ANKRD50: variants seen among roughly 807,000 people sequenced by gnomAD.
The protein encoded by ANKRD50 is ankyrin repeat domain 50.
In ANKRD50, 40 loss-of-function variants were observed where a neutral mutation model predicts 112.0. That is an observed-to-expected ratio of 0.36 (90% CI 0.28 to 0.46). The LOEUF is 0.46. ANKRD50 is among the 20% of genes least tolerant of loss of function. The pLI is 1.00. For synonymous variants in ANKRD50, 613 were observed against 619.1 expected (o/e 0.99, Z 0.15); for missense variants, 1,487 against 1,701.7 (o/e 0.87, Z 2.22).
intron 2 of ANKRD50, among the ~76,000 whole-genome samples, chr4:124,696,606 G>A (rs1725258022): frequency 6.6e-6 from 1 of 151,784 alleles, no homozygotes; most frequent in African/African-American, 2.4e-5. Flanking sequence ...CCCTTAAAAG[G>A]AGCCAGAGAA....
Position 124,669,903 on chromosome 4 carries a change from G to A in ANKRD50, c.3374C>T (p.Ser1125Phe). 6.2e-7 allele frequency: 1 copy of A among 1,613,564 alleles called. No individual in the cohort carries two copies. The highest frequency in any genetic ancestry group is 2.2e-5 in the East Asian group (1 of 44,858). ...AATTGTTAATGACTGCACTTTTGAA[G>A]ACAATGACTGTAGAGGTTTTTGCTC... Reference protein sequence around the residue: ...TMEQKPLQSLSSKVQSLTIKS... With the variant: ...TMEQKPLQSLFSKVQSLTIKS... The change falls in exon 4 of 5, where the codon TCT becomes TTT. Residue 1125 changes from serine to phenylalanine, a missense_variant. Around this residue, in one of 2 missense-constraint regions of ANKRD50, gnomAD observed 441 missense variants for 432.2 expected, o/e 1.02. Transcript: ENST00000504087.
rs377077898 is a variant in ANKRD50, at chr4:124,671,095, C to T, written c.2182G>A (p.Ala728Thr). ...TCAATTAAAAGGCTAACAACTGATGCGTGCCCTTTACTTGCAGGCACACAA... is the reference window on the plus strand; with the variant it reads ...TCAATTAAAAGGCTAACAACTGATGTGTGCCCTTTACTTGCAGGCACACAA... ...ALCVPASKGH[A>T]SVVSLLIDRG... The change falls in exon 4 of 5, where the codon GCA becomes ACA. Residue 728 changes from alanine (A) to threonine (T), a missense_variant. Ala to Thr is a moderately conservative substitution (Grantham distance 58, BLOSUM62 0). Around this residue, in one of 2 missense-constraint regions of ANKRD50, gnomAD observed 1,046 missense variants for 1,269.5 expected, o/e 0.82. Coordinates refer to ENST00000504087, the MANE Select transcript of ANKRD50 (RefSeq NM_020337.3). 49 of 1,613,650 alleles carry T rather than the reference C, an allele frequency of 3.0e-5. No homozygotes were observed. Among genetic ancestry groups the T allele is most frequent in the East Asian group, 8.9e-5 (4 of 44,848 alleles).
At position 124,678,765 on chromosome 4, in the gene ANKRD50, A is replaced by T; in HGVS notation, c.653T>A (p.Leu218Ter). 1 of 1,613,932 alleles carries T rather than the reference A, an allele frequency of 6.2e-7. No homozygotes were observed. The highest frequency in any genetic ancestry group is 8.5e-7 in the Non-Finnish European group (1 of 1,179,830). Residue 218 changes from leucine (L) to a stop codon, truncating the protein, a stop_gained, in exon 3 of 5, where the codon TTA (leucine) becomes TAA (stop). Transcript: ENST00000504087. LOFTEE classifies it high-confidence loss of function. ...TGGAAAGAACTCATGGTGACCAGCTAAAAGTGCTGCAACAGTCCCAGATAA... is the reference window on the plus strand; with the variant it reads ...TGGAAAGAACTCATGGTGACCAGCTTAAAGTGCTGCAACAGTCCCAGATAA... Reference protein sequence around the residue: ...TSLSGTVAALLAGHHEFFPPW... With the variant: ...TSLSGTVAAL
intron 2 of ANKRD50, among the ~76,000 whole-genome samples, chr4:124,687,876 G>A (rs189728286): frequency 6.6e-6 from 1 of 152,326 alleles, no homozygotes; most frequent in Non-Finnish European, 1.5e-5. Context: ...AAGTGCTGGT[G>A]CAGAGCAATG....
In ANKRD50 at chr4:124,671,254, T is replaced by G; in HGVS notation, c.2023A>C (p.Asn675His). The change falls in exon 4 of 5, where the codon AAT (asparagine) becomes CAT (histidine). Residue 675 changes from asparagine to histidine, a missense_variant. This residue lies in a region of ANKRD50 where 1,046 missense variants were observed against 1,269.5 expected (regional missense o/e 0.82). Transcript: ENST00000504087. Reference protein sequence around the residue: ...QHGAEVNKADNEGRTALIAAA... With the variant: ...QHGAEVNKADHEGRTALIAAA... ...GCTATCAAAGCAGTTCTACCTTCAT[T>G]ATCAGCTTTGTTCACTTCAGCGCCA... is the stretch of plus-strand genomic sequence containing the variant. 1 of 1,613,786 alleles carries G rather than the reference T, an allele frequency of 6.2e-7. No homozygotes were observed. Among genetic ancestry groups the G allele is most frequent in the Non-Finnish European group, 8.5e-7 (1 of 1,179,782 alleles).
chr4:124,696,013 A>C (rs1365176063), intron 2 of ANKRD50, among the ~76,000 whole-genome samples: 1 of 152,164 alleles, frequency 6.6e-6, no homozygotes, highest in Admixed American at 6.5e-5. Context: ...AAACAGAAAA[A>C]AGTCAGGATT....
chr4:124,687,279 GT>G (rs879507457), intron 2 of ANKRD50, among the ~76,000 whole-genome samples: 3 of 151,458 alleles, frequency 2.0e-5, no homozygotes, highest in African/African-American at 4.9e-5. Flanking sequence ...TTTTGTTTTT[GT>G]TTTTTTTCCA....
At position 124,666,004 on chromosome 4, in the gene ANKRD50, T is replaced by C. The variant is rs1730480874; in HGVS notation, c.*1514A>G. Reference sequence around the variant, plus strand: ...AAAGATTTTGTTCTAGAAGTAGCAATGGTTTTGTGCTGAATCTCCAAATTC... The same window carrying C: ...AAAGATTTTGTTCTAGAAGTAGCAACGGTTTTGTGCTGAATCTCCAAATTC... On this transcript the variant is annotated 3_prime_UTR_variant, in exon 5 of 5. Transcript: ENST00000504087. The C allele has an allele frequency of 6.6e-6, 1 of 152,032 alleles. No homozygotes were observed. Among genetic ancestry groups the C allele is most frequent in the Non-Finnish European group, 1.5e-5 (1 of 67,932 alleles). The allele number at this position is 152,032 out of a possible 1,614,324, so 9.4% of individuals were successfully genotyped here.
intron 2 of ANKRD50, among the ~76,000 whole-genome samples, chr4:124,688,947 C>A (rs1725068805): frequency 1.3e-5 from 2 of 152,222 alleles, no homozygotes; most frequent in Admixed American, 1.3e-4. Flanking sequence ...TTTTTATTAT[C>A]CTTTAGAGAT....
intron 2 of ANKRD50, among the ~76,000 whole-genome samples, chr4:124,706,318 C>T (rs1443793493): frequency 6.6e-6 from 1 of 151,964 alleles, no homozygotes; most frequent in Non-Finnish European, 1.5e-5. Flanking sequence ...TTCGTGACAA[C>T]TATATCTAAA....
rs1725617579 is a variant in ANKRD50, at chr4:124,711,025, C to T, written c.-514G>A. 1 of 342,094 alleles carries T rather than the reference C, an allele frequency of 2.9e-6. No individual in the cohort carries two copies. Among genetic ancestry groups the T allele is most frequent in the South Asian group, 1.4e-4 (1 of 7,122 alleles). The allele number at this position is 342,094 out of a possible 1,614,324, so 21.2% of individuals were successfully genotyped here. ...GGTATGAGGTACAGTATGTAAGTAGCTCTGTATTTCTCGTTGAAGGATGAT... is the reference window on the plus strand; with the variant it reads ...GGTATGAGGTACAGTATGTAAGTAGTTCTGTATTTCTCGTTGAAGGATGAT... On this transcript the variant is annotated 5_prime_UTR_variant, in exon 2 of 5. Transcript: ENST00000504087.
chr4:124,709,710 A>G (rs1382611904), intron 2 of ANKRD50, among the ~76,000 whole-genome samples: 1 of 152,184 alleles, frequency 6.6e-6, no homozygotes, highest in African/African-American at 2.4e-5. Context: ...CTTCTCTACC[A>G]TAAGAACAAA....
chr4:124,669,464 C>T lies in ANKRD50; in HGVS notation c.3813G>A (p.Gly1271=), dbSNP rs764916001. The T allele has an allele frequency of 2.5e-6, 4 of 1,612,076 alleles. No homozygotes were observed. The East Asian group carries it at 6.7e-5, about 27-fold the overall frequency. Residue 1271 remains glycine, a synonymous_variant, in exon 4 of 5, where the codon GGG becomes GGA. Coordinates refer to ENST00000504087, the MANE Select transcript of ANKRD50 (RefSeq NM_020337.3). The part of the protein sequence containing the change: ...SLKSTKASKG[G]KSENSAKSGS... Reference sequence around the variant, plus strand: ...CAGACTTGGCAGAATTTTCTGATTTCCCCCCTTTACTTGCTTTAGTTGACT... The same window carrying T: ...CAGACTTGGCAGAATTTTCTGATTTTCCCCCTTTACTTGCTTTAGTTGACT...
At chr4:124,673,648 C>T (rs1053254868) in intron 3 of ANKRD50, among the ~76,000 whole-genome samples, 1 of 152,062 alleles carries the variant, frequency 6.6e-6, no homozygotes, top group Non-Finnish European at 1.5e-5. Flanking sequence ...AAAGCTGACA[C>T]TAACTTGTGG....
At chr4:124,709,931 A>G (rs1180649456) in intron 2 of ANKRD50, 69 bp downstream of exon 2, 25 of 1,532,064 alleles carry the variant, frequency 1.6e-5, no homozygotes, top group Non-Finnish European at 2.2e-5. Flanking sequence ...GTTAAAACAA[A>G]AAACTACAAC....
chr4:124,688,230 C>G lies in ANKRD50; in HGVS notation c.513-9325G>C, dbSNP rs535312390. ...GATCCACACAACAGCATGGGTGAAT[C>G]CTAAATCAATTTTCTAAGTTAAAGA... On this transcript the variant is annotated intron_variant, in intron 2 of 4. Transcript: ENST00000504087. Among the ~76,000 whole-genome samples, 11 of 152,224 alleles carry G rather than the reference C, an allele frequency of 7.2e-5. No homozygotes were observed. The East Asian group carries it at 1.4e-3, about 19-fold the overall frequency.
At position 124,671,256 on chromosome 4, in the gene ANKRD50, T is replaced by G. The variant is rs1435652527; in HGVS notation, c.2021A>C (p.Asp674Ala). 6.2e-7 allele frequency: 1 copy of G among 1,613,688 alleles called. No individual in the cohort carries two copies. The highest frequency in any genetic ancestry group is 8.5e-7 in the Non-Finnish European group (1 of 1,179,800). The change falls in exon 4 of 5, where the codon GAT (aspartate) becomes GCT (alanine). Residue 674 changes from aspartate (D) to alanine (A), a missense_variant. By Grantham distance (126) the Asp-to-Ala change is moderately radical (BLOSUM62 -2). Around this residue, in one of 2 missense-constraint regions of ANKRD50, gnomAD observed 1,046 missense variants for 1,269.5 expected, o/e 0.82. Transcript: ENST00000504087. ...LQHGAEVNKA[D>A]NEGRTALIAA... ...TATCAAAGCAGTTCTACCTTCATTA[T>G]CAGCTTTGTTCACTTCAGCGCCATG...
Position 124,710,219 on chromosome 4 carries a change from C to T in ANKRD50, c.293G>A (p.Ser98Asn). The T allele has an allele frequency of 6.2e-7, 1 of 1,614,226 alleles. No homozygotes were observed. The highest frequency in any genetic ancestry group is 8.5e-7 in the Non-Finnish European group (1 of 1,180,050). ...TTGGCGATGTAAACCTCTCTGCAAA[C>T]TTGCAGGTGAACTTGGCCATAAGAG... ...TELLWPSSPA[S>N]LQRGLHRQAL... is the part of the protein sequence containing the mutation. Residue 98 changes from serine to asparagine, a missense_variant, in exon 2 of 5, where the codon AGT (serine) becomes AAT (asparagine). Around this residue, in one of 2 missense-constraint regions of ANKRD50, gnomAD observed 1,046 missense variants for 1,269.5 expected, o/e 0.82. Coordinates refer to ENST00000504087, the MANE Select transcript of ANKRD50 (RefSeq NM_020337.3).
intron 3 of ANKRD50, among the ~76,000 whole-genome samples, chr4:124,673,165 T>C (rs1401923237): frequency 1.3e-5 from 2 of 152,070 alleles, no homozygotes; most frequent in Non-Finnish European, 2.9e-5. Context: ...TTCAGCACTG[T>C]AAAATAAATA....
Sources: gnomAD v4.1 joint callset for allele counts (sites outside exome capture counted in the v4.1 genomes callset) on GRCh38, gnomAD v4.1.1 for gene constraint, gnomAD v4.1.1 regional missense constraint, MANE v1.5 for transcripts, NCBI Gene and HGNC (gene_info 2026-07-23, HGNC 2026-07-21) for gene names.